The following CDKAL1 variants were observed in gnomAD, a reference collection of about 807,000 sequenced individuals.
CDKAL1 encodes the protein threonylcarbamoyladenosine tRNA methylthiotransferase.
Under a neutral mutation model 68.2 loss-of-function variants are expected in CDKAL1, and 32 were observed. That is an observed-to-expected ratio of 0.47 (90% CI 0.35 to 0.63). The LOEUF is 0.63. Among genes scored for constraint, CDKAL1 ranks in the 30% least tolerant of loss-of-function variants. The probability of loss-of-function intolerance (pLI) is 0.00; values close to 1 mark genes in which losing one functional copy is unlikely to be tolerated. For missense variants in CDKAL1, 606 were observed against 696.7 expected (o/e 0.87, Z 1.47); for synonymous variants, 234 against 244.3 (o/e 0.96, Z 0.39).
intron 4 of CDKAL1, among the ~76,000 whole-genome samples, chr6:20,622,592 A>G (rs552605947): frequency 1.3e-5 from 2 of 152,190 alleles, no homozygotes; most frequent in East Asian, 1.9e-4. Context: ...CAAGTTAAGA[A>G]CACTGTTGAT....
chr6:20,782,431 T>C lies in CDKAL1; in HGVS notation c.638+1166T>C, dbSNP rs141468621. Among the ~76,000 whole-genome samples the C allele has an allele frequency of 2.6e-3, 403 of 152,312 alleles. 4 individuals carry two copies. Among genetic ancestry groups the C allele is most frequent in the African/African-American group, 9.1e-3 (380 of 41,562 alleles). On this transcript the variant is annotated intron_variant, in intron 8 of 15. Coordinates refer to ENST00000274695, the MANE Select transcript of CDKAL1 (RefSeq NM_017774.3). Reference sequence around the variant, plus strand: ...TGACTGGAGTACCTCACATATTCATTCTGTCTGTCTAGCCTGAGCCGAATT... The same window carrying C: ...TGACTGGAGTACCTCACATATTCATCCTGTCTGTCTAGCCTGAGCCGAATT...
At chr6:21,089,006 A>G (rs1404263709) in intron 12 of CDKAL1, among the ~76,000 whole-genome samples, 2 of 152,224 alleles carry the variant, frequency 1.3e-5, no homozygotes, top group Non-Finnish European at 2.9e-5. Context: ...CCCATTATCT[A>G]TGGATACCGG....
intron 13 of CDKAL1, among the ~76,000 whole-genome samples, chr6:21,154,984 C>T (rs1270634342): frequency 1.4e-5 from 2 of 144,806 alleles, no homozygotes; most frequent in Non-Finnish European, 3.0e-5. Context: ...AGCGAGACTC[C>T]GTCCCCCACC....
chr6:21,062,314 C>G (rs951325832), intron 11 of CDKAL1, among the ~76,000 whole-genome samples: 1 of 152,152 alleles, frequency 6.6e-6, no homozygotes, highest in African/African-American at 2.4e-5. Context: ...TGATCCATAA[C>G]TTTTATTTTT....
intron 6 of CDKAL1, chr6:20,756,853 CCCCT>C (rs1774203629): frequency 5.4e-5 from 3 of 55,948 alleles, no homozygotes; most frequent in South Asian, 6.6e-4. Flanking sequence ...CCTTCCTTCT[CCCCT>C]TCCTTCCTTC....
intron 9 of CDKAL1, among the ~76,000 whole-genome samples, chr6:20,920,186 T>C (rs1762887353): frequency 6.6e-6 from 1 of 152,192 alleles, no homozygotes; most frequent in African/African-American, 2.4e-5. Flanking sequence ...CAGTTAGCAC[T>C]GTGAAGCATC....
At chr6:20,736,309 T>C (rs1462661258) in intron 5 of CDKAL1, among the ~76,000 whole-genome samples, 1 of 152,210 alleles carries the variant, frequency 6.6e-6, no homozygotes, top group Non-Finnish European at 1.5e-5. Context: ...AGAGACCTTA[T>C]GACCAGCAAA....
intron 11 of CDKAL1, among the ~76,000 whole-genome samples, chr6:21,035,754 G>T (rs1005372213): frequency 6.6e-6 from 1 of 152,070 alleles, no homozygotes; most frequent in Non-Finnish European, 1.5e-5. Flanking sequence ...TGGGTAATGA[G>T]ATTTTGCATA....
chr6:20,961,842 G>A (rs1160890558), intron 10 of CDKAL1, among the ~76,000 whole-genome samples: 2 of 151,164 alleles, frequency 1.3e-5, no homozygotes, highest in Admixed American at 6.6e-5. Flanking sequence ...TAAATAATCT[G>A]TACACCAAAC....
At chr6:20,809,266 G>A (rs921076265) in intron 8 of CDKAL1, among the ~76,000 whole-genome samples, 5 of 152,156 alleles carry the variant, frequency 3.3e-5, no homozygotes, top group African/African-American at 9.7e-5. Flanking sequence ...AACGCAGTGG[G>A]TATTTCAAGT....
intron 5 of CDKAL1, among the ~76,000 whole-genome samples, chr6:20,669,668 T>A (rs1769718665): frequency 6.6e-6 from 1 of 152,212 alleles, no homozygotes; most frequent in African/African-American, 2.4e-5. Context: ...TACCCAGTGC[T>A]CCTGTATCCT....
At chr6:20,635,059 A>G (rs1767844614) in intron 4 of CDKAL1, among the ~76,000 whole-genome samples, 1 of 151,970 alleles carries the variant, frequency 6.6e-6, no homozygotes, top group Non-Finnish European at 1.5e-5. Flanking sequence ...GAGATGTGCC[A>G]TTTATGGAAC....
intron 9 of CDKAL1, among the ~76,000 whole-genome samples, chr6:20,905,958 C>T (rs1316595462): frequency 6.6e-6 from 1 of 152,148 alleles, no homozygotes; most frequent in Non-Finnish European, 1.5e-5. Flanking sequence ...CAAAGAGAGT[C>T]CTGCAGATTG....
At chr6:21,129,596 T>G (rs900955832) in intron 13 of CDKAL1, among the ~76,000 whole-genome samples, 2 of 150,500 alleles carry the variant, frequency 1.3e-5, no homozygotes, top group Non-Finnish European at 3.0e-5. Flanking sequence ...CAGCAGCATG[T>G]TGTAGGCACG....
intron 11 of CDKAL1, among the ~76,000 whole-genome samples, chr6:21,037,494 A>G (rs559467991): frequency 6.6e-6 from 1 of 152,334 alleles, no homozygotes; most frequent in Admixed American, 6.5e-5. Flanking sequence ...CTTAAGTTCT[A>G]TCAGTTACAG....
chr6:21,129,822 TAATC>T (rs1040771040), intron 13 of CDKAL1, among the ~76,000 whole-genome samples: 4 of 152,056 alleles, frequency 2.6e-5, no homozygotes, highest in Non-Finnish European at 2.9e-5. Flanking sequence ...GTCCCTTAAA[TAATC>T]AAAGTAATAG....
At chr6:20,740,351 CTG>C (rs1006866027) in intron 6 of CDKAL1, among the ~76,000 whole-genome samples, 5 of 152,036 alleles carry the variant, frequency 3.3e-5, no homozygotes, top group African/African-American at 4.8e-5. Context: ...GCAGTCAGCT[CTG>C]TGAAGTAAGG....
intron 11 of CDKAL1, among the ~76,000 whole-genome samples, chr6:21,026,097 A>G (rs1355883739): frequency 3.3e-5 from 5 of 152,092 alleles, no homozygotes; most frequent in African/African-American, 9.7e-5. Context: ...GTTTCTAACT[A>G]TCATGCAAGG....
chr6:20,978,761 A>G (rs1426134615), intron 10 of CDKAL1, among the ~76,000 whole-genome samples: 2 of 152,202 alleles, frequency 1.3e-5, no homozygotes, highest in South Asian at 2.1e-4. Context: ...AATGAAATTA[A>G]TCATCATCCT....
Sources: gnomAD v4.1 joint callset for allele counts (sites outside exome capture counted in the v4.1 genomes callset) on GRCh38, gnomAD v4.1.1 for gene constraint, MANE v1.5 for transcripts, NCBI Gene and HGNC (gene_info 2026-07-23, HGNC 2026-07-21) for gene names.